NEDD4L: variants seen among roughly 807,000 people sequenced by gnomAD.
NEDD4L encodes NEDD4 like E3 ubiquitin protein ligase, also known as E3 ubiquitin-protein ligase NEDD4-like.
In NEDD4L, 54 loss-of-function variants were observed where a neutral mutation model predicts 148.9. That is an observed-to-expected ratio of 0.36 (90% CI 0.29 to 0.45). NEDD4L has a LOEUF of 0.45. Ranked by LOEUF, NEDD4L falls within the 20% of genes least tolerant of loss-of-function variation. NEDD4L has a pLI of 1.00. For synonymous variants in NEDD4L, 433 were observed against 440.7 expected (o/e 0.98, Z 0.22); for missense variants, 856 against 1,233.8 (o/e 0.69, Z 4.59).
intron 1 of NEDD4L, among the ~76,000 whole-genome samples, chr18:58,123,437 G>A (rs979068957): frequency 1.3e-5 from 2 of 151,926 alleles, no homozygotes; most frequent in Non-Finnish European, 2.9e-5. Context: ...CCCCCTTTCC[G>A]GTGCCCTCAG....
intron 18 of NEDD4L, among the ~76,000 whole-genome samples, chr18:58,354,087 C>T (rs1271713826): frequency 6.6e-6 from 1 of 152,198 alleles, no homozygotes; most frequent in Admixed American, 6.5e-5. Context: ...TTAGACTCCT[C>T]GATTCCTTTG....
chr18:58,343,136 C>T, intron 16 of NEDD4L, 33 bp downstream of exon 16: 1 of 1,524,846 alleles, frequency 6.6e-7, no homozygotes, highest in Non-Finnish European at 8.9e-7. Flanking sequence ...GCTCCATTTT[C>T]ATCATGAAGT....
At chr18:58,206,649 T>C (rs528029230) in intron 2 of NEDD4L, among the ~76,000 whole-genome samples, 2 of 152,238 alleles carry the variant, frequency 1.3e-5, no homozygotes, top group South Asian at 2.1e-4. Flanking sequence ...GCAACAGAAC[T>C]TAAGATATGT....
intron 2 of NEDD4L, among the ~76,000 whole-genome samples, chr18:58,193,017 T>G (rs2040282996): frequency 6.6e-6 from 1 of 152,240 alleles, no homozygotes. Flanking sequence ...CATGCACCTG[T>G]GGCAGTTGCA....
chr18:58,058,595 A>C (rs2082191397), intron 1 of NEDD4L, among the ~76,000 whole-genome samples: 1 of 152,212 alleles, frequency 6.6e-6, no homozygotes, highest in African/African-American at 2.4e-5. Flanking sequence ...GAAAGAATTA[A>C]CTGAAGGAAT....
chr18:58,108,531 G>A (rs2085219803), intron 1 of NEDD4L, among the ~76,000 whole-genome samples: 1 of 152,028 alleles, frequency 6.6e-6, no homozygotes, highest in South Asian at 2.1e-4. Context: ...AGTGATTCTC[G>A]TGTCTCAGCC....
chr18:58,115,870 G>A (rs1188400308), intron 1 of NEDD4L, among the ~76,000 whole-genome samples: 1 of 152,188 alleles, frequency 6.6e-6, no homozygotes, highest in Non-Finnish European at 1.5e-5. Context: ...TTGCTAAGAG[G>A]TTAGCAAAAT....
chr18:58,064,545 C>G (rs1212445852), intron 1 of NEDD4L, among the ~76,000 whole-genome samples: 2 of 152,050 alleles, frequency 1.3e-5, no homozygotes, highest in Non-Finnish European at 2.9e-5. Context: ...CACCGTTTTC[C>G]TTTGTTTCCT....
At chr18:58,054,850 A>G (rs1290831117) in intron 1 of NEDD4L, 1 of 152,252 alleles carries the variant, frequency 6.6e-6, no homozygotes. Flanking sequence ...ATTCTAGAGT[A>G]TGCTTATGCT....
intron 5 of NEDD4L, among the ~76,000 whole-genome samples, chr18:58,257,175 T>C (rs1244257087): frequency 6.6e-6 from 1 of 152,176 alleles, no homozygotes; most frequent in Admixed American, 6.5e-5. Context: ...CCTGTGACAA[T>C]ACTTTAAAAA....
chr18:58,271,326 G>T (rs1349737790), intron 5 of NEDD4L, among the ~76,000 whole-genome samples: 2 of 152,032 alleles, frequency 1.3e-5, no homozygotes, highest in South Asian at 2.1e-4. Context: ...CCTTAAAAAA[G>T]ATTTTATGAT....
At chr18:58,360,755 T>C (rs1357234533) in intron 19 of NEDD4L, among the ~76,000 whole-genome samples, 1 of 151,760 alleles carries the variant, frequency 6.6e-6, no homozygotes, top group African/African-American at 2.4e-5. Context: ...TGTGTGTGTG[T>C]GTGTGTGTGT....
At chr18:58,079,407 ACACT>A (rs1218258240) in intron 1 of NEDD4L, among the ~76,000 whole-genome samples, 5 of 152,192 alleles carry the variant, frequency 3.3e-5, no homozygotes, top group South Asian at 4.1e-4. Flanking sequence ...TATGTAACAA[ACACT>A]CACAGTGTAC....
intron 4 of NEDD4L, among the ~76,000 whole-genome samples, chr18:58,251,046 G>C (rs1021115597): frequency 7.9e-5 from 12 of 152,198 alleles, no homozygotes; most frequent in African/African-American, 2.9e-4. Context: ...AGGCAGCATA[G>C]ACCTAGTGCA....
intron 5 of NEDD4L, among the ~76,000 whole-genome samples, chr18:58,273,004 G>A (rs2148840405): frequency 6.6e-6 from 1 of 152,368 alleles, no homozygotes; most frequent in South Asian, 2.1e-4. Context: ...CCCAACTCAG[G>A]AGTGGCCTGT....
intron 19 of NEDD4L, among the ~76,000 whole-genome samples, chr18:58,357,874 A>G (rs1388897192): frequency 6.6e-6 from 1 of 152,212 alleles, no homozygotes; most frequent in Admixed American, 6.5e-5. Flanking sequence ...CTGAAGCATC[A>G]GGAGACATTT....
rs537791098 is a variant in NEDD4L, at chr18:58,048,873, CTTTCTACTTG to C, written c.48+4169_48+4178del. ...CACTACTTTCTGTTGTCTTAGGGGT[CTTTCTACTTG>C]TTTACATATAATTATCCACTTCATA... On this transcript the variant is annotated intron_variant, in intron 1 of 30. Coordinates refer to ENST00000400345, the MANE Select transcript of NEDD4L (RefSeq NM_001144967.3). Among the ~76,000 whole-genome samples, 804 of 152,328 alleles carry C rather than the reference CTTTCTACTTG, an allele frequency of 5.3e-3. 9 individuals are homozygous for C. The highest frequency in any genetic ancestry group is 0.018 in the African/African-American group (764 of 41,576).
chr18:58,222,208 G>T (rs1283127377), intron 2 of NEDD4L, among the ~76,000 whole-genome samples: 2 of 152,186 alleles, frequency 1.3e-5, no homozygotes, highest in East Asian at 3.8e-4. Flanking sequence ...TCTGTTTCGA[G>T]TCTCAGTATT....
chr18:58,195,176 A>G (rs1401999260), intron 2 of NEDD4L, among the ~76,000 whole-genome samples: 3 of 152,206 alleles, frequency 2.0e-5, no homozygotes, highest in Non-Finnish European at 2.9e-5. Context: ...GGGGCATTCC[A>G]TACACCTGAG....
Sources: gnomAD v4.1 joint callset for allele counts (sites outside exome capture counted in the v4.1 genomes callset) on GRCh38, gnomAD v4.1.1 for gene constraint, MANE v1.5 for transcripts, NCBI Gene and HGNC (gene_info 2026-07-23, HGNC 2026-07-21) for gene names.